The following GGT5 variants were observed in gnomAD, a reference collection of about 807,000 sequenced individuals.
The protein encoded by GGT5 is glutathione hydrolase 5 proenzyme.
GGT5 carries 50 observed loss-of-function variants against 58.1 expected under a neutral mutation model. The observed-to-expected ratio is 0.86, with a 90% CI of 0.69 to 1.09. GGT5 has a LOEUF of 1.09. GGT5 is among the 50% of genes least tolerant of loss of function. GGT5 has a pLI of 0.00. For missense variants in GGT5, 800 were observed against 789.4 expected (o/e 1.01, Z -0.16); for synonymous variants, 370 against 346.1 (o/e 1.07, Z -0.77).
chr22:24,225,155 C>G, intron 10 of GGT5, 49 bp from the exon 11 acceptor site: 5 of 1,575,366 alleles, frequency 3.2e-6, no homozygotes, highest in Non-Finnish European at 4.4e-6. Context: ...CCCTGCTACC[C>G]TACATCAGCC....
intron 3 of GGT5, 43 bp from the exon 4 acceptor site, chr22:24,233,061 C>T (rs1480607664): frequency 2.2e-5 from 30 of 1,395,090 alleles, no homozygotes; most frequent in Non-Finnish European, 2.7e-5. Context: ...GCTTCCAGGC[C>T]TTCCCAGGTT....
Position 24,233,480 on chromosome 22 carries a change from A to G in GGT5, c.400+18T>C, listed in dbSNP as rs761128679. 3 of 1,460,250 alleles carry G rather than the reference A, an allele frequency of 2.1e-6. No individual in the cohort carries two copies. The South Asian group carries it at 3.5e-5, about 17-fold the overall frequency. The allele number at this position is 1,460,250 out of a possible 1,614,324, so 90.5% of individuals were successfully genotyped here. A position where few individuals can be genotyped will look rare whatever the true frequency, so the allele number is the denominator to read the frequency against. ...GTGGCCTGGGGGGTGGGAGTGGGGG[A>G]CCTCCATGGGGCGTCACCTGTGCCC... On this transcript the variant is annotated intron_variant, in intron 3 of 11. Coordinates refer to ENST00000327365, the MANE Select transcript of GGT5 (RefSeq NM_004121.5).
chr22:24,238,835 ATAT>A lies in GGT5; in HGVS notation c.174-4834_174-4832del, dbSNP rs2048208667. On this transcript the variant is annotated intron_variant, in intron 1 of 11. Transcript: ENST00000327365. ...ATATTATATATATATATATATATTT[ATAT>A]ATATATATTATATATATTATATATA... is the stretch of plus-strand genomic sequence containing the variant. Among the ~76,000 whole-genome samples, 2 of 12,778 alleles carry A rather than the reference ATAT, an allele frequency of 1.6e-4. 1 individual carries two copies. 8.4% of individuals were successfully genotyped at this position (12,778 alleles called of 152,430 possible).
Position 24,233,607 on chromosome 22 carries a change from G to T in GGT5, c.305-14C>A. 2 of 1,541,950 alleles carry T rather than the reference G, an allele frequency of 1.3e-6. No homozygotes were observed. The highest frequency in any genetic ancestry group is 1.8e-6 in the Non-Finnish European group (2 of 1,124,896). ...CCTCCACCTTCCCTGGAGTAGGGCA[G>T]GGCAGGTGAGTGGTCATGGACCCTG... On this transcript the variant is annotated splice_polypyrimidine_tract_variant and intron_variant, in intron 2 of 11. Coordinates refer to ENST00000327365, the MANE Select transcript of GGT5 (RefSeq NM_004121.5).
chr22:24,228,048 C>CAAAAAAAAAAAAA lies in GGT5; in HGVS notation c.902-1294_902-1282dup, dbSNP rs1273239063. 2.2e-3 allele frequency among the ~76,000 whole-genome samples: 49 copies of CAAAAAAAAAAAAA among 22,008 alleles called. 9 individuals are homozygous for CAAAAAAAAAAAAA. The highest frequency in any genetic ancestry group is 3.2e-3 in the Non-Finnish European group (36 of 11,156). The allele number at this position is 22,008 out of a possible 152,430, so 14.4% of individuals were successfully genotyped here. A position where few individuals can be genotyped will look rare whatever the true frequency, so the allele number is the denominator to read the frequency against. On this transcript the variant is annotated intron_variant, in intron 6 of 11. Transcript: ENST00000327365. Reference sequence around the variant, plus strand: ...TAGTAAACAGAGCAAGACTCTGTCTCAAAAAAAAAAAAAAAAAACAAAACA... The same window carrying CAAAAAAAAAAAAA: ...TAGTAAACAGAGCAAGACTCTGTCTCAAAAAAAAAAAAAAAAAAAAAAAAAAAAAAACAAAACA...
intron 1 of GGT5, among the ~76,000 whole-genome samples, chr22:24,238,790 TATATTTATATATATATA>T (rs1569371219): frequency 0.098 from 1,347 of 13,716 alleles, 147 homozygotes; most frequent in African/African-American, 0.25. Flanking sequence ...ATATATATTA[TATATTTATATATATATA>T]ATATATTATA....
chr22:24,231,914 G>A, intron 5 of GGT5, 137 bp downstream of exon 5: 2 of 721,748 alleles, frequency 2.8e-6, no homozygotes, highest in South Asian at 1.7e-5. Flanking sequence ...GCAGAGCTAG[G>A]TGCATGGCCT....
At chr22:24,225,921 T>C (rs2148894057) in intron 8 of GGT5, among the ~76,000 whole-genome samples, 155 bp downstream of exon 8, 1 of 152,026 alleles carries the variant, frequency 6.6e-6, no homozygotes, top group African/African-American at 2.4e-5. Flanking sequence ...GCCAGAGATG[T>C]CAGGGGTGGG....
At chr22:24,237,423 A>G (rs1446119953) in intron 1 of GGT5, among the ~76,000 whole-genome samples, 1 of 138,222 alleles carries the variant, frequency 7.2e-6, no homozygotes, top group Non-Finnish European at 1.6e-5. Flanking sequence ...TTATTTATTT[A>G]TTTGAGACAG....
intron 1 of GGT5, among the ~76,000 whole-genome samples, chr22:24,235,476 A>C (rs909524193): frequency 4.0e-5 from 6 of 151,850 alleles, no homozygotes; most frequent in African/African-American, 1.2e-4. Context: ...CCTTTGGCTC[A>C]GGTGTCTGTC....
chr22:24,230,557 CAATA>C (rs1171962738), intron 6 of GGT5, among the ~76,000 whole-genome samples: 1 of 150,698 alleles, frequency 6.6e-6, no homozygotes, highest in Non-Finnish European at 1.5e-5. Context: ...GACACCGTCT[CAATA>C]ATTAATAATA....
Position 24,244,983 on chromosome 22 carries a change from C to T in GGT5, c.-258G>A. 3 of 553,402 alleles carry T rather than the reference C, an allele frequency of 5.4e-6. No homozygotes were observed. Among genetic ancestry groups the T allele is most frequent in the Non-Finnish European group, 6.2e-6 (2 of 321,418 alleles). 34.3% of individuals were successfully genotyped at this position (553,402 alleles called of 1,614,324 possible). On this transcript the variant is annotated 5_prime_UTR_variant, in exon 1 of 12. Transcript: ENST00000327365. ...CAGATGGGCGGACAGACAGACAGGTCTGAACAGCGGGCTGCCAGATGGACA... is the reference window on the plus strand; with the variant it reads ...CAGATGGGCGGACAGACAGACAGGTTTGAACAGCGGGCTGCCAGATGGACA...
At chr22:24,224,540 A>G (rs764826812) in intron 11 of GGT5, among the ~76,000 whole-genome samples, 1 of 151,814 alleles carries the variant, frequency 6.6e-6, no homozygotes, top group Non-Finnish European at 1.5e-5. Flanking sequence ...AATTATATAT[A>G]TAGTAAAAAT....
At chr22:24,238,791 AT>A (rs1370106366) in intron 1 of GGT5, among the ~76,000 whole-genome samples, 18 of 11,432 alleles carry the variant, frequency 1.6e-3, no homozygotes, top group African/African-American at 9.6e-3. Flanking sequence ...TATATATTAT[AT>A]ATTTATATAT....
intron 3 of GGT5, 109 bp downstream of exon 3, chr22:24,233,389 G>A (rs555473726): frequency 3.3e-5 from 21 of 643,158 alleles, no homozygotes; most frequent in African/African-American, 9.1e-5. Context: ...GTGTCCCCCC[G>A]TGCCAGGGAG....
At position 24,232,915 on chromosome 22, in the gene GGT5, C is replaced by T. The variant is rs764507036; in HGVS notation, c.504G>A (p.Ala168=). Residue 168 remains alanine (A), a synonymous_variant, in exon 4 of 12, where the codon GCG becomes GCA. Coordinates refer to ENST00000327365, the MANE Select transcript of GGT5 (RefSeq NM_004121.5). ...CCACCACATGCCCCCCTCGGAGCAG[C>T]GCGATGGTGGGCTGGAACAGCTGCG... ...PWAQLFQPTI[A]LLRGGHVVAP... is the part of the protein sequence containing the mutation. The T allele has an allele frequency of 6.1e-5, 96 of 1,580,302 alleles. No individual in the cohort carries two copies. The East Asian group carries it at 9.7e-4, about 16-fold the overall frequency.
In GGT5 at chr22:24,226,012, T is replaced by TG. The variant is rs1428167201; in HGVS notation, c.1229+63dup. On this transcript the variant is annotated intron_variant, in intron 8 of 11. Coordinates refer to ENST00000327365, the MANE Select transcript of GGT5 (RefSeq NM_004121.5). Reference sequence around the variant, plus strand: ...GGGGACAAGTGAGGGGACATGGGGCTGGGGGTGTGCAGGTCTAGGAGAGGA... The same window carrying TG: ...GGGGACAAGTGAGGGGACATGGGGCTGGGGGGTGTGCAGGTCTAGGAGAGGA... 9 of 1,174,132 alleles carry TG rather than the reference T, an allele frequency of 7.7e-6. No individual in the cohort carries two copies. In the African/African-American group the frequency reaches 9.2e-5, roughly 12 times the overall value. The allele number at this position is 1,174,132 out of a possible 1,614,324, so 72.7% of individuals were successfully genotyped here.
chr22:24,238,915 TTATATATATAATATATATTATATAA>T lies in GGT5; in HGVS notation c.174-4936_174-4912del, dbSNP rs1569372526. 5.1e-3 allele frequency among the ~76,000 whole-genome samples: 77 copies of T among 15,054 alleles called. 8 individuals carry two copies. Among genetic ancestry groups the T allele is most frequent in the African/African-American group, 0.031 (72 of 2,326 alleles). 9.9% of individuals were successfully genotyped at this position (15,054 alleles called of 152,430 possible). On this transcript the variant is annotated intron_variant, in intron 1 of 11. Coordinates refer to ENST00000327365, the MANE Select transcript of GGT5 (RefSeq NM_004121.5). Reference sequence around the variant, plus strand: ...TTTATATATATATATATTATATATATTATATATATAATATATATTATATAATATATATATATATATATAATATATA... The same window carrying T: ...TTTATATATATATATATTATATATATTATATATATATATATATAATATATA...
chr22:24,238,261 G>A (rs1170678996), intron 1 of GGT5, among the ~76,000 whole-genome samples: 2 of 150,582 alleles, frequency 1.3e-5, no homozygotes, highest in Non-Finnish European at 3.0e-5. Context: ...CAGGCGCGGT[G>A]ACTCACGCCT....
Sources: gnomAD v4.1 joint callset for allele counts (sites outside exome capture counted in the v4.1 genomes callset) on GRCh38, gnomAD v4.1.1 for gene constraint, MANE v1.5 for transcripts, NCBI Gene and HGNC (gene_info 2026-07-23, HGNC 2026-07-21) for gene names.